Variants in RALGPS1 observed in about 807,000 individuals in gnomAD.
RALGPS1 encodes Ral GEF with PH domain and SH3 binding motif 1.
Under a neutral mutation model 78.8 loss-of-function variants are expected in RALGPS1, and 19 were observed. The ratio of observed to expected loss-of-function variants is 0.24; its 90% CI spans 0.17 to 0.35. The LOEUF is 0.35. Among genes scored for constraint, RALGPS1 ranks in the 10% least tolerant of loss-of-function variants. The pLI is 1.00. For synonymous variants in RALGPS1, 228 were observed against 256.3 expected (o/e 0.89, Z 1.06); for missense variants, 454 against 688.3 (o/e 0.66, Z 3.81).
intron 14 of RALGPS1, among the ~76,000 whole-genome samples, chr9:127,209,574 C>CTATGG (rs1415113927): frequency 6.6e-6 from 1 of 152,124 alleles, no homozygotes; most frequent in East Asian, 1.9e-4. Flanking sequence ...CAAGCACATG[C>CTATGG]TATGGTATAC....
chr9:127,118,689 G>A (rs1368440045), intron 8 of RALGPS1, among the ~76,000 whole-genome samples: 5 of 152,340 alleles, frequency 3.3e-5, no homozygotes. Context: ...TCACACAGTT[G>A]TGTGTTTGTG....
intron 11 of RALGPS1, among the ~76,000 whole-genome samples, chr9:127,182,364 TCCTTCCTC>T (rs1321249721): frequency 1.3e-4 from 16 of 125,740 alleles, no homozygotes; most frequent in African/African-American, 2.7e-4. Flanking sequence ...CTTCCTTCCT[TCCTTCCTC>T]CCTCCCTCCC....
chr9:126,932,709 TA>T (rs1476638630), intron 1 of RALGPS1, among the ~76,000 whole-genome samples: 2 of 152,180 alleles, frequency 1.3e-5, no homozygotes, highest in African/African-American at 2.4e-5. Flanking sequence ...CAAAATGTTA[TA>T]AAACATTTTT....
intron 4 of RALGPS1, among the ~76,000 whole-genome samples, chr9:127,032,153 T>G (rs2046483520): frequency 1.3e-5 from 2 of 152,198 alleles, no homozygotes; most frequent in South Asian, 4.1e-4. Context: ...CTCATTTAAT[T>G]GTTATAATGA....
intron 11 of RALGPS1, among the ~76,000 whole-genome samples, chr9:127,193,355 C>G (rs1170974267): frequency 1.3e-5 from 2 of 151,924 alleles, no homozygotes; most frequent in African/African-American, 4.8e-5. Context: ...AAAGAAGTGA[C>G]ATTTTGGAAT....
At chr9:126,935,580 A>G (rs999513509) in intron 1 of RALGPS1, among the ~76,000 whole-genome samples, 5 of 152,226 alleles carry the variant, frequency 3.3e-5, no homozygotes, top group Non-Finnish European at 5.9e-5. Context: ...ATTTCTGCAC[A>G]GGGGCCCAGT....
rs548416098 is a variant in RALGPS1 at position 127,123,713 on chromosome 9, T to A, written c.611-42356T>A. Among the ~76,000 whole-genome samples, 23 of 152,232 alleles carry A rather than the reference T, an allele frequency of 1.5e-4. No individual in the cohort carries two copies. In the East Asian group the frequency reaches 4.3e-3, roughly 28 times the overall value. On this transcript the variant is annotated intron_variant, in intron 8 of 18. Coordinates refer to ENST00000259351, the MANE Select transcript of RALGPS1 (RefSeq NM_014636.3). ...AGAATCAGAGTAAGAAAGGAGAGGA[T>A]GGCACTGGACCCCATGATGCAAGCA...
chr9:127,001,067 C>A (rs2043253501), intron 4 of RALGPS1, among the ~76,000 whole-genome samples: 1 of 149,818 alleles, frequency 6.7e-6, no homozygotes, highest in African/African-American at 2.5e-5. Flanking sequence ...TTGAGCCTAA[C>A]ATAGTGAGAC....
intron 8 of RALGPS1, among the ~76,000 whole-genome samples, chr9:127,119,117 A>G (rs941709148): frequency 2.0e-5 from 3 of 152,174 alleles, no homozygotes; most frequent in African/African-American, 4.8e-5. Flanking sequence ...ATCGCAGAGC[A>G]CCCAGGCACG....
chr9:127,168,118 C>T (rs1351992230), intron 9 of RALGPS1, among the ~76,000 whole-genome samples: 1 of 152,218 alleles, frequency 6.6e-6, no homozygotes, highest in Non-Finnish European at 1.5e-5. Flanking sequence ...TGCTGCAGAG[C>T]CTGGTACAGG....
chr9:127,066,880 AAGACTCACTAC>A (rs1312289832), intron 7 of RALGPS1, among the ~76,000 whole-genome samples: 4 of 152,062 alleles, frequency 2.6e-5, no homozygotes, highest in Non-Finnish European at 4.4e-5. Context: ...TGGCGCAATC[AAGACTCACTAC>A]AGACTCACTA....
intron 4 of RALGPS1, among the ~76,000 whole-genome samples, chr9:127,023,197 C>T (rs2045631911): frequency 6.6e-6 from 1 of 152,162 alleles, no homozygotes; most frequent in African/African-American, 2.4e-5. Context: ...AAGGCTTGGA[C>T]CTAGGCAATG....
intron 17 of RALGPS1, 98 bp downstream of exon 17, chr9:127,213,147 G>C: frequency 6.5e-7 from 1 of 1,530,370 alleles, no homozygotes; most frequent in Non-Finnish European, 8.8e-7. Context: ...TTTTGAGGCT[G>C]CTGCCTTCCC....
chr9:127,023,775 T>G (rs202169425), intron 4 of RALGPS1, among the ~76,000 whole-genome samples: 1 of 151,976 alleles, frequency 6.6e-6, no homozygotes, highest in Non-Finnish European at 1.5e-5. Context: ...GTGGCTCACG[T>G]CTGTAATCCC....
intron 4 of RALGPS1, among the ~76,000 whole-genome samples, chr9:127,002,115 C>A (rs2043365988): frequency 6.6e-6 from 1 of 152,170 alleles, no homozygotes; most frequent in African/African-American, 2.4e-5. Context: ...CAGAAGGCTA[C>A]CTCATGCCCC....
At chr9:127,000,600 G>C (rs562629262) in intron 4 of RALGPS1, among the ~76,000 whole-genome samples, 16 of 122,368 alleles carry the variant, frequency 1.3e-4, no homozygotes, top group Non-Finnish European at 2.2e-4. Context: ...CGAGGCTGGA[G>C]TGCAAAGGTA....
At position 127,219,168 on chromosome 9, in the gene RALGPS1, T is replaced by C. The variant is rs1324241630; in HGVS notation, c.*399T>C. On this transcript the variant is annotated 3_prime_UTR_variant, in exon 19 of 19. Coordinates refer to ENST00000259351, the MANE Select transcript of RALGPS1 (RefSeq NM_014636.3). The surrounding 1 kb of genome is among the most constrained non-coding windows in gnomAD (Gnocchi z 5.0). Reference sequence around the variant, plus strand: ...GAAGGAACAGCTGTGGAACAGGCTTTTTACACCCCAAGTGCATGGGGTTGC... The same window carrying C: ...GAAGGAACAGCTGTGGAACAGGCTTCTTACACCCCAAGTGCATGGGGTTGC... The C allele has an allele frequency of 1.9e-5, 5 of 264,416 alleles. No homozygotes were observed. The highest frequency in any genetic ancestry group is 3.0e-5 in the Non-Finnish European group (4 of 134,522). The allele number at this position is 264,416 out of a possible 1,614,324, so 16.4% of individuals were successfully genotyped here. A position where few individuals can be genotyped will look rare whatever the true frequency, so the allele number is the denominator to read the frequency against.
intron 8 of RALGPS1, among the ~76,000 whole-genome samples, chr9:127,115,796 G>A (rs2055349075): frequency 6.6e-6 from 1 of 152,228 alleles, no homozygotes; most frequent in African/African-American, 2.4e-5. Flanking sequence ...CACGCAAGTG[G>A]TAAGACCCCA....
intron 8 of RALGPS1, among the ~76,000 whole-genome samples, chr9:127,114,943 A>G (rs1359407582): frequency 1.3e-5 from 2 of 152,240 alleles, no homozygotes; most frequent in African/African-American, 4.8e-5. Context: ...AGCTGTTGAA[A>G]TGTATGGTGT....
Sources: gnomAD v4.1 joint callset for allele counts (sites outside exome capture counted in the v4.1 genomes callset) on GRCh38, gnomAD v4.1.1 for gene constraint, Gnocchi (gnomAD v3.1) non-coding constraint, MANE v1.5 for transcripts, NCBI Gene and HGNC (gene_info 2026-07-23, HGNC 2026-07-21) for gene names.